ADGRL2: variants seen among roughly 807,000 people sequenced by gnomAD.
ADGRL2 encodes calcium-independent alpha-latrotoxin receptor 2.
A neutral mutation model predicts 157.4 loss-of-function variants in ADGRL2; 44 were observed. That is an observed-to-expected ratio of 0.28 (90% CI 0.22 to 0.36). The LOEUF (loss-of-function observed/expected upper bound fraction) is 0.36, where lower values mean the gene tolerates loss of function less well. ADGRL2 is among the 10% of genes least tolerant of loss of function. The probability of loss-of-function intolerance (pLI) is 1.00; values close to 1 mark genes in which losing one functional copy is unlikely to be tolerated. For missense variants in ADGRL2, 1,510 were observed against 1,768.9 expected (o/e 0.85, Z 2.63); for synonymous variants, 585 against 624.7 (o/e 0.94, Z 0.95).
intron 3 of ADGRL2, among the ~76,000 whole-genome samples, chr1:81,910,802 A>G (rs1156635033): frequency 6.6e-6 from 1 of 151,890 alleles, no homozygotes; most frequent in Non-Finnish European, 1.5e-5. Context: ...ATATTTCTCA[A>G]AAAATGTGAT....
intron 2 of ADGRL2, among the ~76,000 whole-genome samples, chr1:81,877,185 A>G (rs1371426971): frequency 1.3e-5 from 2 of 152,124 alleles, no homozygotes; most frequent in African/African-American, 4.8e-5. Context: ...GACTTTCCCA[A>G]TTAAGAGTAT....
Position 81,345,104 on chromosome 1 carries a change from A to G in ADGRL2, c.-302+38595A>G, listed in dbSNP as rs1263580541. Among the ~76,000 whole-genome samples the G allele has an allele frequency of 2.0e-5, 3 of 152,222 alleles. No homozygotes were observed. The East Asian group carries it at 5.8e-4, about 29-fold the overall frequency. ...TCATTATTGATAGAGTTAATGCTAC[A>G]TGGCATCTGGCTTCTAAGTGATCCA... On this transcript the variant is annotated intron_variant, in intron 1 of 24. Transcript: ENST00000370721.
intron 2 of ADGRL2, among the ~76,000 whole-genome samples, chr1:81,866,777 C>T (rs1472871293): frequency 2.6e-5 from 4 of 152,058 alleles, no homozygotes; most frequent in African/African-American, 7.2e-5. Context: ...TTCATTTCTG[C>T]AAGCATAGCT....
chr1:81,670,586 G>T (rs2082854566), intron 3 of ADGRL2, among the ~76,000 whole-genome samples: 1 of 152,162 alleles, frequency 6.6e-6, no homozygotes, highest in Admixed American at 6.5e-5. Flanking sequence ...TGAAAAGGAA[G>T]GACACGGCAT....
intron 1 of ADGRL2, among the ~76,000 whole-genome samples, chr1:81,440,691 T>C (rs1453281973): frequency 6.6e-6 from 1 of 152,180 alleles, no homozygotes; most frequent in African/African-American, 2.4e-5. Context: ...CATTACCCCA[T>C]CAAACTAGTT....
intron 2 of ADGRL2, among the ~76,000 whole-genome samples, chr1:81,472,419 G>A (rs1478230256): frequency 6.6e-6 from 1 of 152,228 alleles, no homozygotes; most frequent in Non-Finnish European, 1.5e-5. Context: ...GATTGCCTGA[G>A]CTGAGGAGTT....
chr1:81,817,950 G>C (rs1362215238), intron 1 of ADGRL2, among the ~76,000 whole-genome samples: 12 of 151,938 alleles, frequency 7.9e-5, no homozygotes, highest in Admixed American at 4.6e-4. Context: ...GATAACTTGA[G>C]GCCAGGAGTT....
chr1:81,415,372 A>G (rs1291502763), intron 1 of ADGRL2, among the ~76,000 whole-genome samples: 2 of 152,236 alleles, frequency 1.3e-5, no homozygotes, highest in Admixed American at 6.5e-5. Context: ...AAATTACTCA[A>G]TAGTGGCCTC....
chr1:81,943,037 G>A lies in ADGRL2; in HGVS notation c.478G>A (p.Ala160Thr). Residue 160 changes from alanine to threonine, a missense_variant, in exon 6 of 24, where the codon GCG becomes ACG. Physicochemically the swap from Ala to Thr is moderately conservative, Grantham distance 58. Around this residue, in one of 4 missense-constraint regions of ADGRL2, gnomAD observed 361 missense variants for 498.4 expected, o/e 0.72. Coordinates refer to ENST00000686636, the MANE Select transcript of ADGRL2 (RefSeq NM_001366006.2). This position sits in a 1 kb window ranked among gnomAD's most constrained non-coding sequence, Gnocchi z 5.6. The part of the protein sequence containing the change: ...SPCIYEAEQK[A>T]GAWCKDPLQA... ...ATGTATATATGAAGCTGAACAAAAG[G>A]CGGGTGCTTGGTGCAAGGACCCTCT... 1 of 1,613,356 alleles carries A rather than the reference G, an allele frequency of 6.2e-7. No individual in the cohort carries two copies. The highest frequency in any genetic ancestry group is 2.2e-5 in the East Asian group (1 of 44,860).
intron 2 of ADGRL2, among the ~76,000 whole-genome samples, chr1:81,486,692 C>T (rs2078509904): frequency 6.6e-6 from 1 of 152,086 alleles, no homozygotes; most frequent in Non-Finnish European, 1.5e-5. Flanking sequence ...AAAAATCTTC[C>T]ACCATGACCT....
At chr1:81,403,246 T>G (rs201578312) in intron 1 of ADGRL2, among the ~76,000 whole-genome samples, 1 of 20,786 alleles carries the variant, frequency 4.8e-5, no homozygotes, top group Non-Finnish European at 5.4e-4. Context: ...TTTGTTGTTG[T>G]TTGTTTGTTT....
chr1:81,652,940 T>C (rs1211739728), intron 3 of ADGRL2, among the ~76,000 whole-genome samples: 1 of 152,198 alleles, frequency 6.6e-6, no homozygotes, highest in African/African-American at 2.4e-5. Context: ...TTTTTTATCA[T>C]TGCAATTTGT....
rs182766513 is a variant in ADGRL2 at position 81,681,727 on chromosome 1, T to C, written c.-142-80084T>C. On this transcript the variant is annotated intron_variant, in intron 3 of 24. Transcript: ENST00000370721. ...GAAGGGGGAATTGTTTTCCTCACCA[T>C]ATGCATAGCACCGCAACAGCAGCAA... is the stretch of plus-strand genomic sequence containing the variant. 2.3e-3 allele frequency among the ~76,000 whole-genome samples: 348 copies of C among 152,296 alleles called. 1 individual carries two copies. The highest frequency in any genetic ancestry group is 7.9e-3 in the African/African-American group (329 of 41,572).
intron 1 of ADGRL2, among the ~76,000 whole-genome samples, chr1:81,392,507 T>A (rs570250483): frequency 2.7e-4 from 41 of 152,008 alleles, no homozygotes; most frequent in Non-Finnish European, 4.0e-4. Flanking sequence ...GAAAAAAAAA[T>A]TATCTATATT....
intron 2 of ADGRL2, among the ~76,000 whole-genome samples, chr1:81,535,300 A>T (rs192485755): frequency 6.6e-6 from 1 of 152,324 alleles, no homozygotes; most frequent in African/African-American, 2.4e-5. Flanking sequence ...TGGTTCTCCA[A>T]TCTTTTTCAA....
intron 2 of ADGRL2, among the ~76,000 whole-genome samples, chr1:81,539,936 A>G (rs747268368): frequency 2.6e-5 from 4 of 152,242 alleles, no homozygotes; most frequent in Non-Finnish European, 4.4e-5. Flanking sequence ...CTAAAACTAA[A>G]GATGACTGGT....
chr1:81,602,776 T>C (rs2081358178), intron 3 of ADGRL2, among the ~76,000 whole-genome samples: 1 of 147,540 alleles, frequency 6.8e-6, no homozygotes, highest in East Asian at 2.0e-4. Context: ...CATGCACCTG[T>C]AATCCCAGCT....
chr1:81,717,981 T>C (rs1331527804), intron 1 of ADGRL2, among the ~76,000 whole-genome samples: 1 of 152,192 alleles, frequency 6.6e-6, no homozygotes, highest in Admixed American at 6.5e-5. Context: ...ATAGTTTTAA[T>C]TTTGTGGTTG....
At chr1:81,798,169 C>A (rs1028179150), upstream of ADGRL2, among the ~76,000 whole-genome samples, 1 of 151,994 alleles carries the variant, frequency 6.6e-6, no homozygotes, top group East Asian at 1.9e-4. Context: ...TACCATAACA[C>A]CTGTATTGTT....
Sources: gnomAD v4.1 joint callset for allele counts (sites outside exome capture counted in the v4.1 genomes callset) on GRCh38, gnomAD v4.1.1 for gene constraint, gnomAD v4.1.1 regional missense constraint, Gnocchi (gnomAD v3.1) non-coding constraint, MANE v1.5 for transcripts, NCBI Gene and HGNC (gene_info 2026-07-23, HGNC 2026-07-21) for gene names.